The following KAT6B variants were observed in gnomAD, a reference collection of about 807,000 sequenced individuals.
KAT6B encodes lysine acetyltransferase 6B.
In KAT6B, 10 loss-of-function variants were observed where a neutral mutation model predicts 187.5. That is an observed-to-expected ratio of 0.05 (90% CI 0.03 to 0.09). The LOEUF (loss-of-function observed/expected upper bound fraction) is 0.09, where lower values mean the gene tolerates loss of function less well. KAT6B is among the 10% of genes least tolerant of loss of function. KAT6B has a pLI of 1.00. For synonymous variants in KAT6B, 861 were observed against 926.8 expected (o/e 0.93, Z 1.29); for missense variants, 1,952 against 2,558.9 (o/e 0.76, Z 5.12).
chr10:74,872,056 A>G (rs1844027192), intron 3 of KAT6B, among the ~76,000 whole-genome samples: 1 of 152,228 alleles, frequency 6.6e-6, no homozygotes, highest in African/African-American at 2.4e-5. Context: ...TATGGCACAT[A>G]CGAGAGCAAC....
intron 12 of KAT6B, among the ~76,000 whole-genome samples, chr10:74,985,697 T>C (rs1222164164): frequency 6.6e-6 from 1 of 152,226 alleles, no homozygotes; most frequent in Non-Finnish European, 1.5e-5. Flanking sequence ...TTTACACTTT[T>C]GTCTCTTATT....
intron 3 of KAT6B, among the ~76,000 whole-genome samples, chr10:74,938,946 A>G (rs1374676891): frequency 6.6e-6 from 1 of 152,062 alleles, no homozygotes; most frequent in African/African-American, 2.4e-5. Flanking sequence ...CATGTTGGCC[A>G]GGCTGGTCTC....
At chr10:74,830,560 A>G (rs994963427) in intron 1 of KAT6B, among the ~76,000 whole-genome samples, 1 of 151,410 alleles carries the variant, frequency 6.6e-6, no homozygotes, top group Non-Finnish European at 1.5e-5. Flanking sequence ...CTTCATCTTT[A>G]CTAAGTACCA....
intron 3 of KAT6B, among the ~76,000 whole-genome samples, chr10:74,860,525 A>G (rs929276437): frequency 2.0e-5 from 3 of 152,234 alleles, no homozygotes; most frequent in Admixed American, 1.3e-4. Flanking sequence ...CACAGGAAGT[A>G]TTGGAGCTGG....
intron 13 of KAT6B, among the ~76,000 whole-genome samples, chr10:75,001,573 C>T (rs1160212119): frequency 6.6e-6 from 1 of 152,150 alleles, no homozygotes; most frequent in Non-Finnish European, 1.5e-5. Context: ...TACAGAAGTA[C>T]GTGTCATAGT....
chr10:75,023,432 G>A (rs1206691970), intron 16 of KAT6B: 1 of 152,252 alleles, frequency 6.6e-6, no homozygotes, highest in Non-Finnish European at 1.5e-5. Flanking sequence ...CCATTTCTTA[G>A]GAGGAGTGTG....
chr10:74,865,556 C>T (rs185661162), intron 3 of KAT6B, among the ~76,000 whole-genome samples: 11 of 151,402 alleles, frequency 7.3e-5, no homozygotes, highest in South Asian at 4.2e-4. Flanking sequence ...TACTCTGTCA[C>T]CCAGGCTGGA....
At chr10:74,866,654 G>C (rs1468984904) in intron 3 of KAT6B, among the ~76,000 whole-genome samples, 1 of 152,152 alleles carries the variant, frequency 6.6e-6, no homozygotes, top group Non-Finnish European at 1.5e-5. Context: ...ATAAATAGAA[G>C]ATAACTGTAA....
At chr10:75,010,592 CAGCAT>C (rs1844532459) in intron 13 of KAT6B, among the ~76,000 whole-genome samples, 1 of 152,188 alleles carries the variant, frequency 6.6e-6, no homozygotes, top group African/African-American at 2.4e-5. Flanking sequence ...CATATACACA[CAGCAT>C]TTTAGGGGGC....
chr10:74,908,744 CT>C (rs1319756746), intron 3 of KAT6B, among the ~76,000 whole-genome samples: 1 of 152,100 alleles, frequency 6.6e-6, no homozygotes, highest in African/African-American at 2.4e-5. Context: ...AGCTCATATA[CT>C]TTTGTAGTTT....
In KAT6B at chr10:74,975,983, A is replaced by T; in HGVS notation, c.1646A>T (p.His549Leu). 6.2e-7 allele frequency: 1 copy of T among 1,614,052 alleles called. No individual in the cohort carries two copies. Among genetic ancestry groups the T allele is most frequent in the Non-Finnish European group, 8.5e-7 (1 of 1,179,998 alleles). The change falls in exon 8 of 18, where the codon CAT becomes CTT. Residue 549 changes from histidine (H) to leucine (L), a missense_variant. Physicochemically the swap from His to Leu is moderately conservative, Grantham distance 99. Transcript: ENST00000287239. Reference sequence around the variant, plus strand: ...AAGGCACTCTTTGATGGGCTTTCTCATATCTATACCACTCAGGGACAGTCT... The same window carrying T: ...AAGGCACTCTTTGATGGGCTTTCTCTTATCTATACCACTCAGGGACAGTCT... Reference protein sequence around the residue: ...QLKALFDGLSHIYTTQGQSRK... With the variant: ...QLKALFDGLSLIYTTQGQSRK...
chr10:75,021,149 AGTT>A lies in KAT6B; in HGVS notation c.2887_2889del (p.Leu963del), dbSNP rs774317135. On this transcript the variant is annotated inframe_deletion, in exon 15 of 18. Coordinates refer to ENST00000287239, the MANE Select transcript of KAT6B (RefSeq NM_012330.4). Reference sequence around the variant, plus strand: ...AGATTTGTCATCATTAGACGGGAAAAGTTGATATTGAGCCACATGGAAAAGCTG... The same window carrying A: ...AGATTTGTCATCATTAGACGGGAAAAGATATTGAGCCACATGGAAAAGCTG... 7 of 1,614,154 alleles carry A rather than the reference AGTT, an allele frequency of 4.3e-6. No homozygotes were observed. Among genetic ancestry groups the A allele is most frequent in the Non-Finnish European group, 5.1e-6 (6 of 1,179,998 alleles).
rs565516655 is a variant in KAT6B at position 74,972,693 on chromosome 10, G to C, written c.1061+54G>C. On this transcript the variant is annotated intron_variant, in intron 7 of 17. Transcript: ENST00000287239. The stretch of plus-strand genomic sequence containing the variant: ...ATTTATGTTTTGCTTTAAAATATAG[G>C]TGATTGTTATTCTCTCAGATTCCTT... The C allele has an allele frequency of 4.0e-6, 6 of 1,494,218 alleles. No homozygotes were observed. The African/African-American group carries it at 8.3e-5, about 21-fold the overall frequency. 92.6% of individuals were successfully genotyped at this position (1,494,218 alleles called of 1,614,324 possible).
chr10:74,990,404 C>A (rs1422006479), intron 13 of KAT6B, among the ~76,000 whole-genome samples: 1 of 151,792 alleles, frequency 6.6e-6, no homozygotes, highest in Non-Finnish European at 1.5e-5. Flanking sequence ...GAATCTAAAT[C>A]TATATTGTTA....
intron 3 of KAT6B, among the ~76,000 whole-genome samples, chr10:74,855,924 T>C (rs1842789952): frequency 6.6e-6 from 1 of 152,188 alleles, no homozygotes; most frequent in South Asian, 2.1e-4. Flanking sequence ...TTGACTAAAC[T>C]GTTGGAAACT....
chr10:74,835,207 A>G (rs1339010312), intron 1 of KAT6B, among the ~76,000 whole-genome samples: 2 of 152,228 alleles, frequency 1.3e-5, no homozygotes, highest in Non-Finnish European at 2.9e-5. Flanking sequence ...GCACTGGGCC[A>G]TGAAGGATTT....
chr10:74,999,709 C>T (rs545274216), intron 13 of KAT6B, among the ~76,000 whole-genome samples: 1 of 152,216 alleles, frequency 6.6e-6, no homozygotes, highest in Admixed American at 6.5e-5. Context: ...TCACGGAGAC[C>T]CTATGGGGTA....
intron 5 of KAT6B, 118 bp from the exon 6 acceptor site, chr10:74,969,902 A>G: frequency 1.0e-6 from 1 of 991,140 alleles, no homozygotes. Flanking sequence ...TCAAACTGCA[A>G]CCAGGATCTT....
At chr10:74,962,381 CG>C (rs1038640290) in intron 4 of KAT6B, among the ~76,000 whole-genome samples, 7 of 152,054 alleles carry the variant, frequency 4.6e-5, no homozygotes, top group Non-Finnish European at 1.0e-4. Flanking sequence ...CAAATAATGG[CG>C]GGAGCCCTGT....
Sources: gnomAD v4.1 joint callset for allele counts (sites outside exome capture counted in the v4.1 genomes callset) on GRCh38, gnomAD v4.1.1 for gene constraint, MANE v1.5 for transcripts, NCBI Gene and HGNC (gene_info 2026-07-23, HGNC 2026-07-21) for gene names.